The following MACROD2 variants were observed in gnomAD, a reference collection of about 807,000 sequenced individuals.
MACROD2 encodes the protein ADP-ribose glycohydrolase MACROD2.
In MACROD2, 36 loss-of-function variants were observed where a neutral mutation model predicts 70.4. That is an observed-to-expected ratio of 0.51 (90% CI 0.39 to 0.68). The LOEUF (loss-of-function observed/expected upper bound fraction) is 0.68, where lower values mean the gene tolerates loss of function less well. MACROD2 is among the 30% of genes least tolerant of loss of function. The pLI is 0.00. For synonymous variants in MACROD2, 172 were observed against 178.8 expected (o/e 0.96, Z 0.30); for missense variants, 496 against 538.4 (o/e 0.92, Z 0.78).
intron 5 of MACROD2, among the ~76,000 whole-genome samples, chr20:15,072,760 T>C (rs886781411): frequency 6.6e-6 from 1 of 152,188 alleles, no homozygotes; most frequent in Non-Finnish European, 1.5e-5. Context: ...GTTCTAAGTT[T>C]GAATATCCCC....
intron 8 of MACROD2, among the ~76,000 whole-genome samples, chr20:15,799,564 C>T (rs2206713): frequency 0.074 from 11,317 of 152,142 alleles, 970 homozygotes; most frequent in East Asian, 0.3. Context: ...TGTGTCTGGG[C>T]GATTTCACTT....
chr20:14,121,382 A>G (rs2054587052), intron 3 of MACROD2, among the ~76,000 whole-genome samples: 1 of 152,130 alleles, frequency 6.6e-6, no homozygotes, highest in African/African-American at 2.4e-5. Context: ...CCTGTTACTC[A>G]CTTCTTTTCC....
At chr20:15,288,867 GTCTA>G (rs3070384) in intron 6 of MACROD2, among the ~76,000 whole-genome samples, 4,517 of 146,944 alleles carry the variant, frequency 0.031, 99 homozygotes, top group African/African-American at 0.061. Context: ...CTGTCTGTCT[GTCTA>G]TCTATCTATC....
intron 8 of MACROD2, among the ~76,000 whole-genome samples, chr20:15,780,525 A>C (rs2051813516): frequency 6.6e-6 from 1 of 152,200 alleles, no homozygotes; most frequent in Admixed American, 6.5e-5. Flanking sequence ...AATGACATGC[A>C]GTGGTAGGCA....
intron 5 of MACROD2, among the ~76,000 whole-genome samples, chr20:15,112,789 T>A (rs945059324): frequency 7.9e-5 from 12 of 152,200 alleles, no homozygotes; most frequent in African/African-American, 2.4e-4. Flanking sequence ...GCAGTAACTC[T>A]TCCTTAATCT....
At chr20:15,960,983 C>G (rs922085710) in intron 12 of MACROD2, among the ~76,000 whole-genome samples, 4 of 152,114 alleles carry the variant, frequency 2.6e-5, no homozygotes, top group Non-Finnish European at 4.4e-5. Context: ...AAGAGTGAAT[C>G]CAGCCTTTGA....
At chr20:14,248,181 G>A (rs941293233) in intron 3 of MACROD2, among the ~76,000 whole-genome samples, 2 of 152,180 alleles carry the variant, frequency 1.3e-5, no homozygotes, top group African/African-American at 2.4e-5. Context: ...TCAGGAATAA[G>A]CTCATGCCAA....
At chr20:14,898,129 A>T (rs936485973) in intron 5 of MACROD2, among the ~76,000 whole-genome samples, 1 of 152,210 alleles carries the variant, frequency 6.6e-6, no homozygotes, top group Admixed American at 6.5e-5. Flanking sequence ...TATTTTTAAA[A>T]GATAACTCTT....
intron 5 of MACROD2, among the ~76,000 whole-genome samples, chr20:15,064,859 A>G (rs1053049502): frequency 4.6e-5 from 7 of 152,238 alleles, no homozygotes; most frequent in Non-Finnish European, 2.9e-5. Flanking sequence ...GTCGTGGCAT[A>G]AGAACTCTGA....
chr20:15,210,554 T>G (rs76702179), intron 5 of MACROD2, among the ~76,000 whole-genome samples: 7 of 56,386 alleles, frequency 1.2e-4, no homozygotes, highest in South Asian at 5.1e-4. Flanking sequence ...TTTCTTCTGT[T>G]TTTTTTTTTT....
intron 4 of MACROD2, among the ~76,000 whole-genome samples, chr20:14,639,574 T>C (rs981721620): frequency 6.6e-6 from 1 of 152,166 alleles, no homozygotes; most frequent in Non-Finnish European, 1.5e-5. Context: ...AGGATACACA[T>C]ACGCAATTCA....
chr20:15,151,960 G>A (rs371262457), intron 5 of MACROD2, among the ~76,000 whole-genome samples: 1 of 151,898 alleles, frequency 6.6e-6, no homozygotes, highest in South Asian at 2.1e-4. Context: ...AAGACTCAGC[G>A]ACGCTTGGGG....
intron 3 of MACROD2, among the ~76,000 whole-genome samples, chr20:14,361,898 C>A (rs2083225201): frequency 6.6e-6 from 1 of 152,190 alleles, no homozygotes; most frequent in Non-Finnish European, 1.5e-5. Context: ...CCATAGCTCA[C>A]CTTAACCTTT....
chr20:15,722,883 C>T (rs1028604704), intron 8 of MACROD2, among the ~76,000 whole-genome samples: 2 of 152,048 alleles, frequency 1.3e-5, no homozygotes, highest in African/African-American at 4.8e-5. Context: ...CATCTTTAAT[C>T]GACCTACTAT....
intron 6 of MACROD2, among the ~76,000 whole-genome samples, chr20:15,241,083 T>C (rs1050965263): frequency 6.6e-6 from 1 of 152,212 alleles, no homozygotes; most frequent in African/African-American, 2.4e-5. Context: ...GTTTGAAATT[T>C]TCCGTAACAA....
At chr20:14,127,849 C>T (rs1461171992) in intron 3 of MACROD2, 8 of 471,680 alleles carry the variant, frequency 1.7e-5, no homozygotes, top group Admixed American at 4.8e-5. Context: ...GCAGGAAGCA[C>T]CAACTCTAAG....
intron 3 of MACROD2, among the ~76,000 whole-genome samples, chr20:14,220,383 A>G (rs2081660903): frequency 6.6e-6 from 1 of 152,112 alleles, no homozygotes; most frequent in East Asian, 1.9e-4. Flanking sequence ...CCCCCAGTGC[A>G]CCTCCCAACA....
At chr20:15,156,423 C>T (rs927644794) in intron 5 of MACROD2, among the ~76,000 whole-genome samples, 5 of 152,038 alleles carry the variant, frequency 3.3e-5, no homozygotes, top group Admixed American at 2.0e-4. Flanking sequence ...ACTTTTTTTC[C>T]CCCTTTGGTT....
intron 8 of MACROD2, chr20:15,552,159 G>A (rs1221967562): frequency 6.6e-6 from 1 of 151,978 alleles, no homozygotes; most frequent in Non-Finnish European, 1.5e-5. Context: ...CTCTTTTTTG[G>A]AAGACAGAGG....
Sources: gnomAD v4.1 joint callset for allele counts (sites outside exome capture counted in the v4.1 genomes callset) on GRCh38, gnomAD v4.1.1 for gene constraint, MANE v1.5 for transcripts, NCBI Gene and HGNC (gene_info 2026-07-23, HGNC 2026-07-21) for gene names.